WDR59: variants seen among roughly 807,000 people sequenced by gnomAD.
WDR59 encodes the protein GATOR2 complex protein WDR59.
Under a neutral mutation model 131.2 loss-of-function variants are expected in WDR59, and 100 were observed. That is an observed-to-expected ratio of 0.76 (90% confidence interval 0.65 to 0.90). WDR59 has a LOEUF of 0.90. WDR59 is among the 40% of genes least tolerant of loss of function. The probability of loss-of-function intolerance (pLI) is 0.00; values close to 1 mark genes in which losing one functional copy is unlikely to be tolerated. For synonymous variants in WDR59, 601 were observed against 466.2 expected, an observed-to-expected ratio of 1.29 and a Z score of -3.72; for missense variants, 1,203 against 1,262.2, an observed-to-expected ratio of 0.95 and a Z score of 0.71.
At chr16:74,926,361 G>A (rs545070760) in intron 8 of WDR59, among the ~76,000 whole-genome samples, 8 of 152,022 alleles carry the variant, frequency 5.3e-5, no homozygotes, top group Non-Finnish European at 8.8e-5. Context: ...CCCAGCTGAT[G>A]TATAATCATT....
At chr16:74,909,973 T>A in intron 14 of WDR59, 56 bp from the exon 15 acceptor site, 1 of 1,379,374 alleles carries the variant, frequency 7.2e-7, no homozygotes, top group Non-Finnish European at 9.8e-7. Flanking sequence ...TGATAGGTTT[T>A]TTTTTTTTTT....
At chr16:74,936,962 C>A (rs1370062334) in intron 8 of WDR59, among the ~76,000 whole-genome samples, 1 of 152,202 alleles carries the variant, frequency 6.6e-6, no homozygotes, top group African/African-American at 2.4e-5. Flanking sequence ...TAACTTTTAA[C>A]TTAGTATATG....
At chr16:74,913,651 G>C (rs959998993) in intron 13 of WDR59, among the ~76,000 whole-genome samples, 10 of 152,118 alleles carry the variant, frequency 6.6e-5, no homozygotes, top group African/African-American at 2.4e-4. Context: ...ACTGAAACTT[G>C]TTATATTTAC....
At chr16:74,944,904 C>A (rs774703894) in intron 6 of WDR59, among the ~76,000 whole-genome samples, 1 of 151,158 alleles carries the variant, frequency 6.6e-6, no homozygotes, top group Admixed American at 6.6e-5. Flanking sequence ...GGCAGGTAGG[C>A]CACAAAGTCA....
chr16:74,968,273 G>T (rs2033851861), intron 1 of WDR59, among the ~76,000 whole-genome samples: 1 of 152,190 alleles, frequency 6.6e-6, no homozygotes, highest in South Asian at 2.1e-4. Flanking sequence ...GGAAGTCAGA[G>T]ATTAAAAGGG....
At chr16:74,952,425 C>T (rs1371012161) in intron 3 of WDR59, among the ~76,000 whole-genome samples, 1 of 115,532 alleles carries the variant, frequency 8.7e-6, no homozygotes, top group Non-Finnish European at 1.6e-5. Context: ...CTGGGTGACA[C>T]AGCAAGACCC....
intron 2 of WDR59, chr16:74,959,574 C>T (rs1357422321): frequency 2.2e-6 from 1 of 449,620 alleles, no homozygotes; most frequent in African/African-American, 2.0e-5. Flanking sequence ...CCAGCCTGGG[C>T]AACCTGGCAA....
chr16:74,887,766 G>C lies in WDR59; in HGVS notation c.2347-11C>G. 2 of 1,612,968 alleles carry C rather than the reference G, an allele frequency of 1.2e-6. No homozygotes were observed. The highest frequency in any genetic ancestry group is 1.7e-6 in the Non-Finnish European group (2 of 1,179,076). ...AGAGGTAAAGCTAGGCTACAGAAGGGAAGAGAAGAACCAACAGGACTAGCA... is the reference window on the plus strand; with the variant it reads ...AGAGGTAAAGCTAGGCTACAGAAGGCAAGAGAAGAACCAACAGGACTAGCA... On this transcript the variant is annotated splice_polypyrimidine_tract_variant and intron_variant, in intron 22 of 25. Transcript: ENST00000262144.
rs747277002 is a variant in WDR59, at chr16:74,908,945, T to C, written c.1675A>G (p.Met559Val). The change falls in exon 17 of 26, where the codon ATG becomes GTG. Residue 559 changes from methionine (M) to valine (V), a missense_variant. Transcript: ENST00000262144. ...TCTGTGGGAGACACCGCCCGATGCATTGTCATGGGCCTTGTGAAATATACC... is the reference window on the plus strand; with the variant it reads ...TCTGTGGGAGACACCGCCCGATGCACTGTCATGGGCCTTGTGAAATATACC... ...YLVYFTRPMT[M>V]HRAVSPTEPT... The C allele has an allele frequency of 8.1e-6, 13 of 1,614,158 alleles. No individual in the cohort carries two copies. The highest frequency in any genetic ancestry group is 3.3e-4 in the Middle Eastern group (2 of 6,052).
intron 17 of WDR59, chr16:74,904,353 G>C: frequency 2.4e-6 from 1 of 410,302 alleles, no homozygotes; most frequent in South Asian, 2.8e-5. Context: ...TGAATACAAG[G>C]TCAACCTACA....
chr16:74,953,855 AG>A lies in WDR59; in HGVS notation c.241-2313del, dbSNP rs770347189. On this transcript the variant is annotated intron_variant, in intron 3 of 25. Coordinates refer to ENST00000262144, the MANE Select transcript of WDR59 (RefSeq NM_030581.4). ...TCTCTACTAAAAATACAAAAAAATT[AG>A]CCGGGCATGGTGGTGGACGCCTGTA... Among the ~76,000 whole-genome samples the A allele has an allele frequency of 4.6e-5, 7 of 151,928 alleles. No individual in the cohort carries two copies. In the East Asian group the frequency reaches 7.8e-4, roughly 17 times the overall value.
At chr16:74,980,042 G>A (rs113304483) in intron 1 of WDR59, among the ~76,000 whole-genome samples, 2 of 151,130 alleles carry the variant, frequency 1.3e-5, no homozygotes, top group African/African-American at 4.9e-5. Context: ...AGTATTTTTA[G>A]TAGAAACGGG....
At chr16:74,946,257 T>C (rs1245164761) in intron 6 of WDR59, among the ~76,000 whole-genome samples, 1 of 152,202 alleles carries the variant, frequency 6.6e-6, no homozygotes, top group Non-Finnish European at 1.5e-5. Flanking sequence ...AAACATAGTA[T>C]ATTTGGTTCA....
rs897843184 is a variant in WDR59, at chr16:74,880,759, C to T, written c.2689+4894G>A. On this transcript the variant is annotated intron_variant, in intron 25 of 25. Coordinates refer to ENST00000262144, the MANE Select transcript of WDR59 (RefSeq NM_030581.4). ...AACTAATGAAGACCATAAAAATACT[C>T]CCAGCACATAGAACAATCAAAGTAT... Among the ~76,000 whole-genome samples the T allele has an allele frequency of 3.3e-5, 5 of 152,202 alleles. No individual in the cohort carries two copies. The East Asian group carries it at 7.7e-4, about 23-fold the overall frequency.
At chr16:74,918,857 T>C (rs977427312) in intron 10 of WDR59, among the ~76,000 whole-genome samples, 5 of 152,156 alleles carry the variant, frequency 3.3e-5, no homozygotes, top group Admixed American at 2.0e-4. Context: ...CCAGTTCTTA[T>C]TGGTTCCTTC....
intron 3 of WDR59, 24 bp from the exon 4 acceptor site, chr16:74,951,567 A>G (rs753482487): frequency 1.3e-6 from 2 of 1,563,236 alleles, no homozygotes; most frequent in Non-Finnish European, 1.7e-6. Context: ...AAAGAAGGCC[A>G]CAGGCAAGTA....
chr16:74,910,114 C>T (rs1472304116), intron 14 of WDR59, among the ~76,000 whole-genome samples, 197 bp from the exon 15 acceptor site: 2 of 151,920 alleles, frequency 1.3e-5, no homozygotes, highest in East Asian at 1.9e-4. Context: ...ACTACAGGCG[C>T]CCACCCCCAT....
At chr16:74,928,218 T>G in intron 8 of WDR59, among the ~76,000 whole-genome samples, 1 of 149,624 alleles carries the variant, frequency 6.7e-6, no homozygotes, top group African/African-American at 2.5e-5. Context: ...TTTTTTTTTT[T>G]TTTTTTGAGA....
chr16:74,973,003 C>T (rs757608383), intron 1 of WDR59, among the ~76,000 whole-genome samples: 5 of 151,646 alleles, frequency 3.3e-5, no homozygotes, highest in African/African-American at 7.3e-5. Flanking sequence ...GAGGCCGAGG[C>T]GGGCAGATCA....
Sources: gnomAD v4.1 joint callset for allele counts (sites outside exome capture counted in the v4.1 genomes callset) on GRCh38, gnomAD v4.1.1 for gene constraint, MANE v1.5 for transcripts, NCBI Gene and HGNC (gene_info 2026-07-23, HGNC 2026-07-21) for gene names.